Variants in ZNF112 observed in about 807,000 individuals in gnomAD.
The protein encoded by ZNF112 is zinc finger protein 112 (Y14).
Under a neutral mutation model 77.7 loss-of-function variants are expected in ZNF112, and 37 were observed. That is an observed-to-expected ratio of 0.48 (90% confidence interval 0.37 to 0.63). ZNF112 has a LOEUF of 0.63. Among genes scored for constraint, ZNF112 ranks in the 20% least tolerant of loss-of-function variants. The pLI is 0.00. For missense variants in ZNF112, 950 were observed against 1,077.4 expected (o/e 0.88, Z 1.66); for synonymous variants, 333 against 363.6 (o/e 0.92, Z 0.96).
intron 1 of ZNF112, among the ~76,000 whole-genome samples, chr19:44,348,363 CATTT>C (rs959897858): frequency 6.6e-6 from 1 of 152,064 alleles, no homozygotes; most frequent in African/African-American, 2.4e-5. Flanking sequence ...AGGCTCTGCT[CATTT>C]ATTTTTCAAT....
rs1970174084 is a variant in ZNF112 at position 44,328,288 on chromosome 19, T to C, written c.1869A>G (p.Arg623=). The change falls in exon 4 of 4, where the codon AGA becomes AGG. Residue 623 remains arginine, a synonymous_variant. Coordinates refer to ENST00000354340, the MANE Select transcript of ZNF112 (RefSeq NM_013380.4). ...SRSSHLQGHQ[R]VHTGEKPFKC... is the part of the protein sequence containing the mutation. The stretch of plus-strand genomic sequence containing the variant: ...TGAATGGTTTTTCTCCAGTGTGGAC[T>C]CTCTGATGGCCTTGAAGGTGTGAAC... The C allele has an allele frequency of 6.2e-7, 1 of 1,613,594 alleles. No homozygotes were observed. The highest frequency in any genetic ancestry group is 8.5e-7 in the Non-Finnish European group (1 of 1,179,880).
chr19:44,363,418 C>A (rs1015132096), intron 1 of ZNF112, among the ~76,000 whole-genome samples: 1 of 152,158 alleles, frequency 6.6e-6, no homozygotes, highest in Admixed American at 6.6e-5. Context: ...ATTAACATTA[C>A]CCCACAAATT....
upstream of ZNF112, among the ~76,000 whole-genome samples, chr19:44,358,675 C>T (rs745348688): frequency 2.0e-5 from 3 of 152,080 alleles, no homozygotes; most frequent in Admixed American, 6.5e-5. Flanking sequence ...CAAAATGATA[C>T]GGGATTTCAA....
intron 1 of ZNF112, among the ~76,000 whole-genome samples, chr19:44,348,288 T>A (rs1970632237): frequency 6.6e-6 from 1 of 152,112 alleles, no homozygotes; most frequent in African/African-American, 2.4e-5. Flanking sequence ...AACACTTCTC[T>A]CCTCTCCTCC....
At chr19:44,342,192 TATATAG>T (rs769560477) in intron 1 of ZNF112, among the ~76,000 whole-genome samples, 14 of 152,138 alleles carry the variant, frequency 9.2e-5, no homozygotes, top group Admixed American at 2.6e-4. Flanking sequence ...CATACAAACA[TATATAG>T]ATAAACACAT....
chr19:44,366,244 C>T (rs1322227812), intron 1 of ZNF112, among the ~76,000 whole-genome samples: 2 of 152,024 alleles, frequency 1.3e-5, no homozygotes, highest in Non-Finnish European at 2.9e-5. Flanking sequence ...CTAAATCATG[C>T]GGAGAGGCTT....
rs770918900 is a variant in ZNF112, at chr19:44,327,513, A to AT, written c.2643dup (p.Phe882IlefsTer3). 1.8e-5 allele frequency: 29 copies of AT among 1,613,824 alleles called. No individual in the cohort carries two copies. ...TTACCATAGTCTTCGCTTTTATAGA[A>AT]TTTATCACTACTATGGACTCTTTGA... On this transcript the variant is annotated frameshift_variant, in exon 4 of 4. Coordinates refer to ENST00000354340, the MANE Select transcript of ZNF112 (RefSeq NM_013380.4). LOFTEE classifies it high-confidence loss of function.
intron 1 of ZNF112, among the ~76,000 whole-genome samples, chr19:44,343,052 T>C (rs114132813): frequency 0.012 from 1,807 of 152,164 alleles, 31 homozygotes; most frequent in African/African-American, 0.04. Context: ...TACTATTATT[T>C]ATGAAATAAA....
At chr19:44,333,877 T>A (rs1970316313) in intron 3 of ZNF112, among the ~76,000 whole-genome samples, 1 of 152,190 alleles carries the variant, frequency 6.6e-6, no homozygotes, top group East Asian at 1.9e-4. Flanking sequence ...GCTATAAAGA[T>A]ACCTGAAAAC....
At chr19:44,357,701 A>C (rs1454300268), upstream of ZNF112, among the ~76,000 whole-genome samples, 1 of 152,232 alleles carries the variant, frequency 6.6e-6, no homozygotes. Context: ...GTACTGATAC[A>C]GACAAAATGT....
chr19:44,337,134 G>A (rs1414737731), intron 2 of ZNF112, among the ~76,000 whole-genome samples: 1 of 150,264 alleles, frequency 6.7e-6, no homozygotes, highest in Non-Finnish European at 1.5e-5. Context: ...GCCTCCCAAA[G>A]TGCTGAGATT....
At chr19:44,342,500 A>G (rs1422613410) in intron 1 of ZNF112, among the ~76,000 whole-genome samples, 1 of 152,172 alleles carries the variant, frequency 6.6e-6, no homozygotes, top group African/African-American at 2.4e-5. Flanking sequence ...TCAGGAACGT[A>G]AAAGCTTGTG....
chr19:44,349,031 A>G (rs1404304581), intron 1 of ZNF112, among the ~76,000 whole-genome samples: 1 of 152,086 alleles, frequency 6.6e-6, no homozygotes, highest in Non-Finnish European at 1.5e-5. Context: ...AATCCTGAAA[A>G]GATTATTTTG....
intron 3 of ZNF112, among the ~76,000 whole-genome samples, chr19:44,333,846 G>C (rs1006180567): frequency 8.5e-5 from 13 of 152,136 alleles, no homozygotes; most frequent in Non-Finnish European, 1.8e-4. Context: ...AAGAAAATTG[G>C]TACCAGAAAA....
At chr19:44,362,246 G>C (rs996130769) in intron 1 of ZNF112, among the ~76,000 whole-genome samples, 4 of 151,860 alleles carry the variant, frequency 2.6e-5, no homozygotes, top group Non-Finnish European at 4.4e-5. Context: ...GGAAGGTGAG[G>C]GTATGTAGGA....
intron 3 of ZNF112, among the ~76,000 whole-genome samples, chr19:44,331,331 G>C (rs1214207205): frequency 6.6e-6 from 1 of 152,140 alleles, no homozygotes; most frequent in African/African-American, 2.4e-5. Context: ...CATTTTACTG[G>C]AAAATTATGT....
At chr19:44,338,980 G>C (rs1970439417) in intron 2 of ZNF112, among the ~76,000 whole-genome samples, 2 of 152,140 alleles carry the variant, frequency 1.3e-5, no homozygotes, top group Admixed American at 1.3e-4. Context: ...AGAATCACTT[G>C]AATCTGGGAG....
chr19:44,343,256 G>T, intron 1 of ZNF112: 1 of 1,613,552 alleles, frequency 6.2e-7, no homozygotes, highest in Admixed American at 1.7e-5. Context: ...CAGCTCACCT[G>T]GAATTTGGTC....
rs777470033 is a variant in ZNF112 at position 44,340,478 on chromosome 19, G to A, written c.62C>T (p.Ser21Phe). 10 of 1,613,932 alleles carry A rather than the reference G, an allele frequency of 6.2e-6. No individual in the cohort carries two copies. The highest frequency in any genetic ancestry group is 1.3e-5 in the African/African-American group (1 of 74,886). The change falls in exon 2 of 4, where the codon TCT becomes TTT. Residue 21 changes from serine to phenylalanine, a missense_variant. Ser to Phe is a radical substitution (Grantham distance 155). Coordinates refer to ENST00000354340, the MANE Select transcript of ZNF112 (RefSeq NM_013380.4). ...ATCTCGGTACAGCTTCCTCTGGACA[G>A]AGTCCAGCAGCCCCAGCTCCTCCTC... ...FTEEELGLLD[S>F]VQRKLYRDVM... is the part of the protein sequence containing the mutation.
Sources: allele counts gnomAD v4.1 joint callset (sites outside exome capture counted in the v4.1 genomes callset), GRCh38; gene constraint gnomAD v4.1.1; transcripts MANE v1.5; gene names NCBI Gene and HGNC (gene_info 2026-07-23, HGNC 2026-07-21).